Variants in ZNF280B observed in about 807,000 individuals in gnomAD.
ZNF280B encodes suppressor of hairy wing homolog 2.
ZNF280B carries 16 observed loss-of-function variants against 38.0 expected under a neutral mutation model. The ratio of observed to expected loss-of-function variants is 0.42; its 90% CI spans 0.28 to 0.64. The LOEUF (loss-of-function observed/expected upper bound fraction) is 0.64. Among genes scored for constraint, ZNF280B ranks in the 30% least tolerant of loss-of-function variants. The pLI, the probability that ZNF280B is intolerant of heterozygous loss-of-function variation, is 0.21. For synonymous variants in ZNF280B, 253 were observed against 230.6 expected, an observed-to-expected ratio of 1.10 and a Z score of -0.88; for missense variants, 581 against 639.6, an observed-to-expected ratio of 0.91 and a Z score of 0.99.
At position 22,488,657 on chromosome 22, in the gene ZNF280B, GC is replaced by G; in HGVS notation, c.741del (p.Lys247AsnfsTer3). On this transcript the variant is annotated frameshift_variant, in exon 4 of 4. Coordinates refer to ENST00000626650, the MANE Select transcript of ZNF280B (RefSeq NM_080764.4). LOFTEE classifies it high-confidence loss of function. ...AAFPKDNIHF[K>X]PINTNLDRAN... ...GCCCTATCAAGATTTGTATTTATAG[GC>G]TTGAAATGGATATTGTCCTTTGGAA... 1 of 1,613,840 alleles carries G rather than the reference GC, an allele frequency of 6.2e-7. No homozygotes were observed. The highest frequency in any genetic ancestry group is 1.1e-5 in the South Asian group (1 of 91,060).
In ZNF280B at chr22:22,488,147, C is replaced by T. The variant is rs373616635; in HGVS notation, c.1252G>A (p.Val418Ile). The part of the protein sequence containing the change: ...CHYRSSVFAD[V>I]ETHFRTCHEN... Reference sequence around the variant, plus strand: ...TGGCACGTTCTAAAATGTGTTTCTACATCAGCAAAGACCGACGATCTATAA... The same window carrying T: ...TGGCACGTTCTAAAATGTGTTTCTATATCAGCAAAGACCGACGATCTATAA... The change falls in exon 4 of 4, where the codon GTA (valine) becomes ATA (isoleucine). Residue 418 changes from valine (V) to isoleucine (I), a missense_variant. Coordinates refer to ENST00000626650, the MANE Select transcript of ZNF280B (RefSeq NM_080764.4). 6.2e-7 allele frequency: 1 copy of T among 1,613,942 alleles called. No homozygotes were observed. Among genetic ancestry groups the T allele is most frequent in the Non-Finnish European group, 8.5e-7 (1 of 1,179,986 alleles).
At position 22,488,143 on chromosome 22, in the gene ZNF280B, T is replaced by A; in HGVS notation, c.1256A>T (p.Glu419Val). ...HYRSSVFADV[E>V]THFRTCHENT... ...TTCATGGCACGTTCTAAAATGTGTT[T>A]CTACATCAGCAAAGACCGACGATCT... The change falls in exon 4 of 4, where the codon GAA becomes GTA. Residue 419 changes from glutamate to valine, a missense_variant. Physicochemically the swap from Glu to Val is moderately radical, Grantham distance 121. Transcript: ENST00000626650. 6.2e-7 allele frequency: 1 copy of A among 1,613,928 alleles called. No individual in the cohort carries two copies. Among genetic ancestry groups the A allele is most frequent in the Non-Finnish European group, 8.5e-7 (1 of 1,179,980 alleles).
chr22:22,503,321 T>C lies in ZNF280B; in HGVS notation c.-187+4489A>G, dbSNP rs557050384. ...AGATATTGCTGATGGTTGTACAATTTTGTAAGTATATAATACTAAAAACCA... is the reference window on the plus strand; with the variant it reads ...AGATATTGCTGATGGTTGTACAATTCTGTAAGTATATAATACTAAAAACCA... On this transcript the variant is annotated intron_variant, in intron 2 of 3. Coordinates refer to ENST00000626650, the MANE Select transcript of ZNF280B (RefSeq NM_080764.4). 2.8e-4 allele frequency among the ~76,000 whole-genome samples: 42 copies of C among 152,120 alleles called. 1 individual carries two copies. The highest frequency in any genetic ancestry group is 8.9e-4 in the African/African-American group (37 of 41,518).
At chr22:22,493,907 TC>T (rs1281129364) in intron 3 of ZNF280B, among the ~76,000 whole-genome samples, 155 bp downstream of exon 3, 1 of 151,714 alleles carries the variant, frequency 6.6e-6, no homozygotes, top group Non-Finnish European at 1.5e-5. Context: ...TGAACTGTGT[TC>T]CCCCCACCCC....
rs1301864915 is a variant in ZNF280B, at chr22:22,489,436, G to A, written c.-38C>T. 3 of 1,537,256 alleles carry A rather than the reference G, an allele frequency of 2.0e-6. No homozygotes were observed. In the Admixed American group the frequency reaches 6.2e-5, roughly 32 times the overall value. ...TTATTCCTGAATGGTGGGGCCACAA[G>A]TCCCAATGCTTCCTTTATATAAACT... On this transcript the variant is annotated 5_prime_UTR_variant, in exon 4 of 4. Coordinates refer to ENST00000626650, the MANE Select transcript of ZNF280B (RefSeq NM_080764.4).
chr22:22,492,635 C>T (rs2051486), intron 3 of ZNF280B, among the ~76,000 whole-genome samples: 17,884 of 151,772 alleles, frequency 0.12, 1,245 homozygotes, highest in South Asian at 0.27. Context: ...GCCTGTAATC[C>T]CAGCACTTTG....
intron 2 of ZNF280B, among the ~76,000 whole-genome samples, chr22:22,505,697 T>G (rs1354870477): frequency 6.6e-6 from 1 of 151,882 alleles, no homozygotes; most frequent in East Asian, 2.0e-4. Flanking sequence ...AAGCAGAGGT[T>G]GCAGTGAGCC....
At chr22:22,500,120 T>C (rs534195464) in intron 2 of ZNF280B, among the ~76,000 whole-genome samples, 1 of 152,062 alleles carries the variant, frequency 6.6e-6, no homozygotes, top group South Asian at 2.1e-4. Flanking sequence ...ATTAGAATCC[T>C]CATGCACAGT....
rs1433970956 is a variant in ZNF280B at position 22,489,299 on chromosome 22, C to T, written c.100G>A (p.Gly34Ser). The T allele has an allele frequency of 2.2e-5, 35 of 1,613,694 alleles. No individual in the cohort carries two copies. Among genetic ancestry groups the T allele is most frequent in the Non-Finnish European group, 2.9e-5 (34 of 1,179,954 alleles). The part of the protein sequence containing the change: ...DDEDAELIFV[G>S]VEHVNEDAEL... ...GCATCTTCATTTACATGTTCCACAC[C>T]AACAAAGATGAGCTCAGCATCTTCG... is the stretch of plus-strand genomic sequence containing the variant. Residue 34 changes from glycine to serine, a missense_variant, in exon 4 of 4, where the codon GGT (glycine) becomes AGT (serine). Transcript: ENST00000626650.
rs1383468943 is a variant in ZNF280B at position 22,486,818 on chromosome 22, T to C, written c.*949A>G. The stretch of plus-strand genomic sequence containing the variant: ...CAAGACTAGAATGAATGTGTGCCTA[T>C]ACTTCAACTAGAACAAAGAACCACT... On this transcript the variant is annotated 3_prime_UTR_variant, in exon 4 of 4. Coordinates refer to ENST00000626650, the MANE Select transcript of ZNF280B (RefSeq NM_080764.4). 1 of 151,974 alleles carries C rather than the reference T, an allele frequency of 6.6e-6. No individual in the cohort carries two copies. The highest frequency in any genetic ancestry group is 2.4e-5 in the African/African-American group (1 of 41,404). 9.4% of individuals were successfully genotyped at this position (151,974 alleles called of 1,614,324 possible). A position where few individuals can be genotyped will look rare whatever the true frequency, so the allele number is the denominator to read the frequency against.
intron 2 of ZNF280B, among the ~76,000 whole-genome samples, chr22:22,500,646 A>G (rs901741557): frequency 6.6e-6 from 1 of 151,918 alleles, no homozygotes; most frequent in African/African-American, 2.4e-5. Context: ...ATCTGAGGTC[A>G]GGAGTTCGAG....
At chr22:22,496,817 CTTTT>C (rs398036598) in intron 2 of ZNF280B, among the ~76,000 whole-genome samples, 4 of 131,786 alleles carry the variant, frequency 3.0e-5, no homozygotes, top group African/African-American at 5.7e-5. Flanking sequence ...GGGATCTACT[CTTTT>C]TTTTTTTTTT....
intron 2 of ZNF280B, among the ~76,000 whole-genome samples, chr22:22,502,059 T>C (rs5758513): frequency 0.15 from 22,530 of 151,646 alleles, 1,957 homozygotes; most frequent in South Asian, 0.29. Context: ...CCTGGGAGGT[T>C]GATGTTGCAG....
intron 2 of ZNF280B, among the ~76,000 whole-genome samples, chr22:22,504,363 G>A (rs755110604): frequency 6.7e-6 from 1 of 150,022 alleles, no homozygotes; most frequent in Non-Finnish European, 1.5e-5. Flanking sequence ...GGAGGCAGAG[G>A]TTGCAGTGAG....
chr22:22,496,177 CAA>C (rs530676882), intron 2 of ZNF280B, among the ~76,000 whole-genome samples: 113 of 140,728 alleles, frequency 8.0e-4, no homozygotes, highest in African/African-American at 2.8e-3. Flanking sequence ...GGCACAATCT[CAA>C]CTCACTGCAA....
At chr22:22,506,006 G>A (rs949685657) in intron 2 of ZNF280B, among the ~76,000 whole-genome samples, 2 of 151,768 alleles carry the variant, frequency 1.3e-5, no homozygotes, top group East Asian at 3.9e-4. Context: ...GAGAAATAGA[G>A]ATACTAAGAA....
chr22:22,489,496 G>C (rs1006927338), intron 3 of ZNF280B, 30 bp from the exon 4 acceptor site: 12 of 1,043,862 alleles, frequency 1.1e-5, no homozygotes, highest in South Asian at 1.7e-5. Context: ...AGTAAGTACA[G>C]GAAAATGCAT....
chr22:22,495,959 C>T (rs1025827438), intron 2 of ZNF280B, among the ~76,000 whole-genome samples: 6 of 151,760 alleles, frequency 4.0e-5, no homozygotes, highest in African/African-American at 1.4e-4. Context: ...GCGCCCACCA[C>T]CATGCCTGGC....
chr22:22,498,946 C>G (rs1335186003), intron 2 of ZNF280B, among the ~76,000 whole-genome samples: 1 of 151,340 alleles, frequency 6.6e-6, no homozygotes, highest in Non-Finnish European at 1.5e-5. Context: ...TACAGGAGCC[C>G]GCCATCACGC....
Sources: gnomAD v4.1 joint callset for allele counts (sites outside exome capture counted in the v4.1 genomes callset) on GRCh38, gnomAD v4.1.1 for gene constraint, MANE v1.5 for transcripts, NCBI Gene and HGNC (gene_info 2026-07-23, HGNC 2026-07-21) for gene names.